PEX13: variants seen among roughly 807,000 people sequenced by gnomAD.
PEX13 encodes peroxisomal biogenesis factor 13, also known as peroxisome biogenesis factor 13.
A neutral mutation model predicts 34.5 loss-of-function variants in PEX13; 28 were observed. The observed-to-expected ratio is 0.81, with a 90% CI of 0.60 to 1.11. The LOEUF is 1.11. PEX13 is among the 50% of genes most tolerant of loss of function. The pLI, the probability that PEX13 is intolerant of heterozygous loss-of-function variation, is 0.00. For synonymous variants in PEX13, 177 were observed against 175.1 expected (o/e 1.01, Z -0.09); for missense variants, 550 against 491.0 (o/e 1.12, Z -1.13).
In PEX13 at chr2:61,050,401, T is replaced by G. The variant is rs1559048548; in HGVS notation, c.*1631T>G. Reference sequence around the variant, plus strand: ...AAAACAAACAAACAAAAAATAATAATACGATAATGCTATTTGACGTGTTTT... The same window carrying G: ...AAAACAAACAAACAAAAAATAATAAGACGATAATGCTATTTGACGTGTTTT... On this transcript the variant is annotated 3_prime_UTR_variant, in exon 4 of 4. Coordinates refer to ENST00000295030, the MANE Select transcript of PEX13 (RefSeq NM_002618.4). 1 of 152,142 alleles carries G rather than the reference T, an allele frequency of 6.6e-6. No individual in the cohort carries two copies. The highest frequency in any genetic ancestry group is 2.1e-4 in the South Asian group (1 of 4,824). 9.4% of individuals were successfully genotyped at this position (152,142 alleles called of 1,614,324 possible).
intron 3 of PEX13, among the ~76,000 whole-genome samples, chr2:61,047,676 A>G (rs1321053819): frequency 1.3e-5 from 2 of 152,138 alleles, no homozygotes; most frequent in Non-Finnish European, 2.9e-5. Context: ...GCTTTCCTCC[A>G]TTGCTCAAGA....
At chr2:61,026,762 C>T (rs1367293593) in intron 1 of PEX13, among the ~76,000 whole-genome samples, 2 of 152,040 alleles carry the variant, frequency 1.3e-5, no homozygotes, top group African/African-American at 2.4e-5. Context: ...TAATTTTTAA[C>T]ATATCTAAAA....
chr2:61,024,068 A>G (rs1680311433), intron 1 of PEX13, among the ~76,000 whole-genome samples: 1 of 152,134 alleles, frequency 6.6e-6, no homozygotes. Flanking sequence ...AAGTGCTGGG[A>G]TTACAGGCAT....
intron 1 of PEX13, among the ~76,000 whole-genome samples, chr2:61,028,216 A>C (rs1369955094): frequency 6.6e-6 from 1 of 152,206 alleles, no homozygotes; most frequent in Non-Finnish European, 1.5e-5. Context: ...CTCCTAAAGT[A>C]ATACTGTGTG....
At chr2:61,017,911 G>GGCGGTTGTA in intron 1 of PEX13, 60 bp downstream of exon 1, 1 of 1,503,070 alleles carries the variant, frequency 6.7e-7, no homozygotes, top group Admixed American at 2.0e-5. Context: ...CTTGGCAGGA[G>GGCGGTTGTA]GCGGTTGTAG....
At chr2:61,022,466 G>T (rs1371371291) in intron 1 of PEX13, among the ~76,000 whole-genome samples, 2 of 152,188 alleles carry the variant, frequency 1.3e-5, no homozygotes, top group African/African-American at 4.8e-5. Context: ...AAAGTGAGAA[G>T]ACAAGATTAG....
chr2:61,048,040 G>C (rs1022040994), intron 3 of PEX13, among the ~76,000 whole-genome samples: 5 of 152,004 alleles, frequency 3.3e-5, no homozygotes, highest in African/African-American at 1.2e-4. Flanking sequence ...TTATATTTTT[G>C]CCAAAAGTAG....
At chr2:61,045,704 CT>C in intron 2 of PEX13, 21 bp from the exon 3 acceptor site, 1 of 1,608,522 alleles carries the variant, frequency 6.2e-7, no homozygotes, top group Non-Finnish European at 8.5e-7. Flanking sequence ...TTTTATTAAC[CT>C]AATTTTAATT....
rs549746610 is a variant in PEX13 at position 61,039,729 on chromosome 2, G to A, written c.788-5997G>A. ...ACCAAAAACAATGACAACAAAAGCC[G>A]GAATAGACAGATGGGATCTAATTAA... On this transcript the variant is annotated intron_variant, in intron 2 of 3. Transcript: ENST00000295030. 9.6e-4 allele frequency among the ~76,000 whole-genome samples: 146 copies of A among 152,024 alleles called. 1 individual carries two copies. The highest frequency in any genetic ancestry group is 1.6e-3 in the Non-Finnish European group (106 of 67,934).
chr2:61,017,790 C>T lies in PEX13; in HGVS notation c.31C>T (p.Pro11Ser). 6.4e-7 allele frequency: 1 copy of T among 1,550,394 alleles called. No individual in the cohort carries two copies. The highest frequency in any genetic ancestry group is 8.7e-7 in the Non-Finnish European group (1 of 1,146,886). Residue 11 changes from proline (P) to serine (S), a missense_variant, in exon 1 of 4, where the codon CCC becomes TCC. By Grantham distance (74) the Pro-to-Ser change is moderately conservative (BLOSUM62 -1). Coordinates refer to ENST00000295030, the MANE Select transcript of PEX13 (RefSeq NM_002618.4). Reference protein sequence around the residue: MASQPPPPPKPWETRRIPGAG... With the variant: MASQPPPPPKSWETRRIPGAG... ...GTCCCAGCCGCCACCTCCCCCCAAA[C>T]CCTGGGAGACCCGCCGAATTCCGGG... is the stretch of plus-strand genomic sequence containing the variant.
intron 1 of PEX13, among the ~76,000 whole-genome samples, chr2:61,021,230 G>A (rs1456683185): frequency 6.6e-6 from 1 of 152,180 alleles, no homozygotes; most frequent in Non-Finnish European, 1.5e-5. Context: ...CCTCACCCAG[G>A]AAGCGCAAGG....
At position 61,031,529 on chromosome 2, in the gene PEX13, T is replaced by G; in HGVS notation, c.203T>G (p.Val68Gly). Reference sequence around the variant, plus strand: ...TCACAGCAGACAGGAAGTAGCAGTGTGAACACTTTTAGACCTGCTTACAGT... The same window carrying G: ...TCACAGCAGACAGGAAGTAGCAGTGGGAACACTTTTAGACCTGCTTACAGT... The part of the protein sequence containing the change: ...RPSQQTGSSS[V>G]NTFRPAYSSF... Residue 68 changes from valine (V) to glycine (G), a missense_variant, in exon 2 of 4, where the codon GTG becomes GGG. Val to Gly is a moderately radical substitution (Grantham distance 109). Transcript: ENST00000295030. The G allele has an allele frequency of 6.2e-7, 1 of 1,614,112 alleles. No homozygotes were observed. Among genetic ancestry groups the G allele is most frequent in the Non-Finnish European group, 8.5e-7 (1 of 1,179,946 alleles).
intron 1 of PEX13, among the ~76,000 whole-genome samples, chr2:61,022,773 G>T (rs1250183127): frequency 1.3e-5 from 2 of 152,076 alleles, no homozygotes; most frequent in Non-Finnish European, 2.9e-5. Context: ...AGGCTGAGGT[G>T]GGAGGATCCC....
intron 3 of PEX13, among the ~76,000 whole-genome samples, chr2:61,047,011 G>T (rs529283838): frequency 7.2e-5 from 11 of 152,124 alleles, no homozygotes; most frequent in Non-Finnish European, 1.2e-4. Context: ...ATCACTTGAG[G>T]CCAGGAGTTT....
chr2:61,025,974 C>T lies in PEX13; in HGVS notation c.93-5445C>T, dbSNP rs141074289. The stretch of plus-strand genomic sequence containing the variant: ...GGGTTCTGAACTCCAGTTTATGGCT[C>T]CTTAGCCCAGGGAGTCTTAAAATCT... On this transcript the variant is annotated intron_variant, in intron 1 of 3. Transcript: ENST00000295030. Among the ~76,000 whole-genome samples, 34 of 152,206 alleles carry T rather than the reference C, an allele frequency of 2.2e-4. No homozygotes were observed. The East Asian group carries it at 3.3e-3, about 15-fold the overall frequency.
chr2:61,024,163 A>G (rs772722190), intron 1 of PEX13, among the ~76,000 whole-genome samples: 1 of 152,044 alleles, frequency 6.6e-6, no homozygotes, highest in Non-Finnish European at 1.5e-5. Context: ...GTTGCTTTCA[A>G]TATTTTTTCT....
At chr2:61,023,431 A>G (rs77762111) in intron 1 of PEX13, among the ~76,000 whole-genome samples, 2 of 147,888 alleles carry the variant, frequency 1.4e-5, no homozygotes, top group Non-Finnish European at 3.0e-5. Context: ...ACACACACAT[A>G]TTTTTTTTTT....
intron 1 of PEX13, among the ~76,000 whole-genome samples, chr2:61,019,448 CATATT>C (rs1210882675): frequency 6.6e-6 from 1 of 151,992 alleles, no homozygotes; most frequent in Non-Finnish European, 1.5e-5. Context: ...CCAAAATTGT[CATATT>C]TTATTGTTTA....
chr2:61,022,453 A>G (rs1680280926), intron 1 of PEX13, among the ~76,000 whole-genome samples: 1 of 152,258 alleles, frequency 6.6e-6, no homozygotes, highest in African/African-American at 2.4e-5. Context: ...AAATTGATGA[A>G]ATAAAGTGAG....
Sources: gnomAD v4.1 joint callset for allele counts (sites outside exome capture counted in the v4.1 genomes callset) on GRCh38, gnomAD v4.1.1 for gene constraint, MANE v1.5 for transcripts, NCBI Gene and HGNC (gene_info 2026-07-23, HGNC 2026-07-21) for gene names.